Variants in CEACAM19 observed in about 807,000 individuals in gnomAD.
CEACAM19 encodes CEA cell adhesion molecule 19.
CEACAM19 carries 37 observed loss-of-function variants against 37.6 expected under a neutral mutation model. The observed-to-expected ratio is 0.98, with a 90% CI of 0.76 to 1.29. The LOEUF (loss-of-function observed/expected upper bound fraction) is 1.29, where lower values mean the gene tolerates loss of function less well. CEACAM19 is among the 50% of genes most tolerant of loss of function. CEACAM19 has a pLI of 0.00. For synonymous variants in CEACAM19, 140 were observed against 149.8 expected, an observed-to-expected ratio of 0.93 and a Z score of 0.48; for missense variants, 340 against 375.6, an observed-to-expected ratio of 0.91 and a Z score of 0.78.
chr19:44,676,799 A>G (rs1157935292), intron 3 of CEACAM19, among the ~76,000 whole-genome samples: 1 of 151,692 alleles, frequency 6.6e-6, no homozygotes, highest in East Asian at 1.9e-4. Flanking sequence ...AATTTTTTTT[A>G]TTTTTGTAGA....
At chr19:44,668,198 A>T (rs1273661631), upstream of CEACAM19, among the ~76,000 whole-genome samples, 1 of 81,302 alleles carries the variant, frequency 1.2e-5, no homozygotes, top group Admixed American at 2.3e-4. Flanking sequence ...TATTTTATAT[A>T]TTATATATAT....
chr19:44,680,394 C>T, intron 5 of CEACAM19, 60 bp downstream of exon 5: 5 of 1,455,116 alleles, frequency 3.4e-6, no homozygotes, highest in Non-Finnish European at 4.8e-6. Flanking sequence ...CCTTTCTCCC[C>T]TATAGCCACA....
intron 2 of CEACAM19, 65 bp from the exon 3 acceptor site, chr19:44,676,206 A>T: frequency 6.6e-7 from 1 of 1,525,560 alleles, no homozygotes; most frequent in East Asian, 2.3e-5. Flanking sequence ...TCGGTGAGGG[A>T]CTGGGGGAGC....
At chr19:44,667,756 A>G (rs1272621679), upstream of CEACAM19, among the ~76,000 whole-genome samples, 1 of 76,710 alleles carries the variant, frequency 1.3e-5, no homozygotes, top group Non-Finnish European at 2.2e-5. Context: ...TAAATTATAT[A>G]AATTATATAT....
upstream of CEACAM19, among the ~76,000 whole-genome samples, chr19:44,668,184 AAT>A (rs1178556342): frequency 1.2e-5 from 1 of 83,204 alleles, no homozygotes; most frequent in Non-Finnish European, 2.0e-5. Context: ...TATTATATAT[AAT>A]ATATTTTATA....
chr19:44,678,732 G>T (rs1435114728), intron 3 of CEACAM19, 121 bp from the exon 4 acceptor site: 11 of 1,394,466 alleles, frequency 7.9e-6, no homozygotes, highest in Middle Eastern at 2.0e-4. Context: ...ACTCAAAACC[G>T]CACACACACC....
chr19:44,667,932 AT>A (rs1241402852), upstream of CEACAM19, among the ~76,000 whole-genome samples: 4 of 76,880 alleles, frequency 5.2e-5, no homozygotes, highest in African/African-American at 2.6e-4. Flanking sequence ...TATATAATAT[AT>A]AAAATATATA....
At position 44,678,986 on chromosome 19, in the gene CEACAM19, G is replaced by A. The variant is rs754766774; in HGVS notation, c.659+50G>A. 1.9e-5 allele frequency: 30 copies of A among 1,604,884 alleles called. No individual in the cohort carries two copies. The East Asian group carries it at 3.8e-4, about 20-fold the overall frequency. On this transcript the variant is annotated intron_variant, in intron 4 of 7. Transcript: ENST00000358777. ...AGTGAACTAACAAACTTGCTATAGC[G>A]GTGTCAAGAGTACTTTTGTTTTCAG...
At chr19:44,678,984 G>C (rs1304626583) in intron 4 of CEACAM19, 48 bp downstream of exon 4, 3 of 1,607,320 alleles carry the variant, frequency 1.9e-6, no homozygotes, top group Non-Finnish European at 2.6e-6. Flanking sequence ...ACTTGCTATA[G>C]CGGTGTCAAG....
chr19:44,682,453 C>T (rs764181966), intron 6 of CEACAM19, 114 bp from the exon 7 acceptor site: 1 of 1,073,594 alleles, frequency 9.3e-7, no homozygotes, highest in South Asian at 1.4e-5. Context: ...AGGGGCCTCA[C>T]AGTCTGGGAG....
upstream of CEACAM19, among the ~76,000 whole-genome samples, chr19:44,669,028 C>G (rs926779044): frequency 1.3e-5 from 2 of 150,700 alleles, no homozygotes; most frequent in African/African-American, 4.9e-5. Context: ...TCATGTTGCC[C>G]GGGCTGGTCT....
At chr19:44,667,369 G>A (rs905442117), upstream of CEACAM19, 3 of 150,522 alleles carry the variant, frequency 2.0e-5, no homozygotes, top group African/African-American at 4.9e-5. Context: ...TGATGAAAAC[G>A]TTCTCCATCT....
chr19:44,666,542 C>T (rs1412150973), upstream of CEACAM19, among the ~76,000 whole-genome samples: 1 of 152,100 alleles, frequency 6.6e-6, no homozygotes, highest in Non-Finnish European at 1.5e-5. Flanking sequence ...TGGTGGCGTG[C>T]GCCTATAGTC....
At chr19:44,681,334 T>A (rs765939185) in intron 6 of CEACAM19, 22 bp downstream of exon 6, 1 of 1,565,200 alleles carries the variant, frequency 6.4e-7, no homozygotes, top group Non-Finnish European at 8.8e-7. Context: ...CCCCAGCCTC[T>A]CCCCTGAAGC....
At chr19:44,675,806 C>T (rs1426722802) in intron 2 of CEACAM19, among the ~76,000 whole-genome samples, 1 of 150,818 alleles carries the variant, frequency 6.6e-6, no homozygotes, top group Non-Finnish European at 1.5e-5. Flanking sequence ...AAAAAAAAAT[C>T]AGTTTGATGG....
chr19:44,667,695 A>ATAAATT (rs1973746035), upstream of CEACAM19, among the ~76,000 whole-genome samples: 2 of 82,606 alleles, frequency 2.4e-5, no homozygotes, highest in African/African-American at 5.1e-5. Context: ...ATAAATATAT[A>ATAAATT]ATATATATTA....
intron 7 of CEACAM19, 114 bp downstream of exon 7, chr19:44,682,734 C>A (rs892841381): frequency 2.1e-6 from 2 of 960,750 alleles, no homozygotes; most frequent in African/African-American, 3.4e-5. Flanking sequence ...TCCCCTCGTC[C>A]CCCCAAGCCT....
chr19:44,666,140 A>T (rs62119319), intron 1 of CEACAM19: 1,841 of 152,170 alleles, frequency 0.012, 20 homozygotes, highest in Non-Finnish European at 0.021. Context: ...ATAAACCTTG[A>T]CTCTTCTTTT....
rs781235098 is a variant in CEACAM19, at chr19:44,678,987, G to A, written c.659+51G>A. On this transcript the variant is annotated intron_variant, in intron 4 of 7. Coordinates refer to ENST00000358777, the MANE Select transcript of CEACAM19 (RefSeq NM_001127893.3). ...GTGAACTAACAAACTTGCTATAGCG[G>A]TGTCAAGAGTACTTTTGTTTTCAGA... 3 of 1,604,124 alleles carry A rather than the reference G, an allele frequency of 1.9e-6. No homozygotes were observed. In the East Asian group the frequency reaches 6.8e-5, roughly 36 times the overall value.
Sources: gnomAD v4.1 joint callset for allele counts (sites outside exome capture counted in the v4.1 genomes callset) on GRCh38, gnomAD v4.1.1 for gene constraint, MANE v1.5 for transcripts, NCBI Gene and HGNC (gene_info 2026-07-23, HGNC 2026-07-21) for gene names.